TRMU: variants seen among roughly 807,000 people sequenced by gnomAD.
TRMU encodes the protein tRNA mitochondrial 2-thiouridylase, also known as mitochondrial tRNA-specific 2-thiouridylase 1.
In TRMU, 49 loss-of-function variants were observed where a neutral mutation model predicts 46.9. The observed-to-expected ratio is 1.05, with a 90% CI of 0.83 to 1.33. TRMU has a LOEUF of 1.33. TRMU is among the 40% of genes most tolerant of loss of function. TRMU has a pLI of 0.00. For missense variants in TRMU, 572 were observed against 532.4 expected, an observed-to-expected ratio of 1.07 and a Z score of -0.73; for synonymous variants, 241 against 200.9, an observed-to-expected ratio of 1.20 and a Z score of -1.69.
intron 8 of TRMU, chr22:46,355,104 G>A (rs924112421): frequency 2.3e-6 from 1 of 430,444 alleles, no homozygotes; most frequent in African/African-American, 2.0e-5. Context: ...CCTCGAGGGG[G>A]GCCGTGCTGC....
rs766828406 is a variant in TRMU, at chr22:46,349,347, C to T, written c.479-944C>T. 5.9e-5 allele frequency among the ~76,000 whole-genome samples: 9 copies of T among 152,188 alleles called. No individual in the cohort carries two copies. The highest frequency in any genetic ancestry group is 8.8e-5 in the Non-Finnish European group (6 of 68,036). ...TGTGATGAACTGGGCCGGCTCCAGT[C>T]TCCCCTCTGTAACGTGGGGAGAATT... On this transcript the variant is annotated intron_variant, in intron 4 of 10. Coordinates refer to ENST00000645190, the MANE Select transcript of TRMU (RefSeq NM_018006.5). The surrounding 1 kb of genome is among the most constrained non-coding windows in gnomAD (Gnocchi z 4.6).
At chr22:46,355,749 C>A in intron 9 of TRMU, 161 bp downstream of exon 9, 1 of 1,314,088 alleles carries the variant, frequency 7.6e-7, no homozygotes, top group South Asian at 1.3e-5. Flanking sequence ...CTGTGCCTGC[C>A]CTGAGCGAGG....
chr22:46,341,236 C>G (rs1235234636), intron 2 of TRMU, among the ~76,000 whole-genome samples: 1 of 152,216 alleles, frequency 6.6e-6, no homozygotes, highest in East Asian at 1.9e-4. Context: ...TTTTCAGAAA[C>G]TGATTTTAAT....
chr22:46,346,078 G>A (rs539396738), intron 3 of TRMU, among the ~76,000 whole-genome samples: 29 of 152,184 alleles, frequency 1.9e-4, no homozygotes, highest in South Asian at 1.2e-3. Flanking sequence ...GCCTCCCTTC[G>A]TATTATCACA....
chr22:46,337,091 G>A (rs2077998056), intron 1 of TRMU, among the ~76,000 whole-genome samples: 1 of 152,180 alleles, frequency 6.6e-6, no homozygotes, highest in Admixed American at 6.5e-5. Flanking sequence ...TGGTGGTGTA[G>A]TTTTGACAAA....
At chr22:46,341,862 A>G (rs1373420356) in intron 2 of TRMU, among the ~76,000 whole-genome samples, 1 of 152,180 alleles carries the variant, frequency 6.6e-6, no homozygotes, top group Non-Finnish European at 1.5e-5. Context: ...TCACCTGAGG[A>G]TAGTATTTTT....
chr22:46,336,272 T>C lies in TRMU; in HGVS notation c.82+426T>C. 1 of 426,596 alleles carries C rather than the reference T, an allele frequency of 2.3e-6. No individual in the cohort carries two copies. The highest frequency in any genetic ancestry group is 3.3e-6 in the Non-Finnish European group (1 of 306,078). 26.4% of individuals were successfully genotyped at this position (426,596 alleles called of 1,614,324 possible). On this transcript the variant is annotated intron_variant, in intron 1 of 10. Coordinates refer to ENST00000645190, the MANE Select transcript of TRMU (RefSeq NM_018006.5). The surrounding 1 kb of genome is among the most constrained non-coding windows in gnomAD (Gnocchi z 4.1). ...CTGTGGCCGCCCGGTGGGAGGTCCTTGTCCTCCCCACTCAGCAGACTGGAC... is the reference window on the plus strand; with the variant it reads ...CTGTGGCCGCCCGGTGGGAGGTCCTCGTCCTCCCCACTCAGCAGACTGGAC...
Position 46,342,656 on chromosome 22 carries a change from A to C in TRMU, c.249-606A>C, listed in dbSNP as rs1239623305. 2.0e-5 allele frequency among the ~76,000 whole-genome samples: 3 copies of C among 152,212 alleles called. No homozygotes were observed. Among genetic ancestry groups the C allele is most frequent in the African/African-American group, 7.2e-5 (3 of 41,460 alleles). On this transcript the variant is annotated intron_variant, in intron 2 of 10. Coordinates refer to ENST00000645190, the MANE Select transcript of TRMU (RefSeq NM_018006.5). The surrounding 1 kb of genome is among the most constrained non-coding windows in gnomAD (Gnocchi z 4.7). Reference sequence around the variant, plus strand: ...ACATGGCAAGACCTCATCTCTATAAAAAAAGAAAAGGTTGCAGTGGGCCAG... The same window carrying C: ...ACATGGCAAGACCTCATCTCTATAACAAAAGAAAAGGTTGCAGTGGGCCAG...
Position 46,346,528 on chromosome 22 carries a change from G to A in TRMU, c.462G>A (p.Arg154=), listed in dbSNP as rs2078262908. The change falls in exon 4 of 11, where the codon CGG becomes CGA. Residue 154 remains arginine (R), a synonymous_variant. Coordinates refer to ENST00000645190, the MANE Select transcript of TRMU (RefSeq NM_018006.5). ...VKKPEGLFRN[R]FEVRNAVKLL... ...AGCCCGAAGGGCTTTTCAGAAATCG[G>A]TTTGAAGTTAGAAATGGTAAGTTCA... 5.6e-6 allele frequency: 9 copies of A among 1,611,954 alleles called. No individual in the cohort carries two copies. The highest frequency in any genetic ancestry group is 7.6e-6 in the Non-Finnish European group (9 of 1,178,612).
Position 46,350,539 on chromosome 22 carries a change from T to G in TRMU, c.651+76T>G, listed in dbSNP as rs2078388218. The G allele has an allele frequency of 6.5e-7, 1 of 1,543,576 alleles. No homozygotes were observed. The highest frequency in any genetic ancestry group is 1.4e-5 in the African/African-American group (1 of 73,600). ...GCATGGCACGGAGCAGCTGGACCTG[T>G]GGGTCCCGCACCACTTCCCCTTCTC... On this transcript the variant is annotated intron_variant, in intron 5 of 10. Transcript: ENST00000645190. This position sits in a 1 kb window ranked among gnomAD's most constrained non-coding sequence, Gnocchi z 4.6.
Position 46,351,980 on chromosome 22 carries a change from C to A in TRMU, c.652-141C>A. The A allele has an allele frequency of 1.1e-6, 1 of 896,536 alleles. No individual in the cohort carries two copies. The highest frequency in any genetic ancestry group is 1.9e-6 in the Non-Finnish European group (1 of 538,492). 55.5% of individuals were successfully genotyped at this position (896,536 alleles called of 1,614,324 possible). ...CGGCTGTGACTGGCGGCCGAGGGTG[C>A]CGGTGGGCAGCCGGGCCCCTACCCT... On this transcript the variant is annotated intron_variant, in intron 5 of 10. Transcript: ENST00000645190. The surrounding 1 kb of genome is among the most constrained non-coding windows in gnomAD (Gnocchi z 6.4).
chr22:46,355,874 T>C lies in TRMU; in HGVS notation c.1019-116T>C. Reference sequence around the variant, plus strand: ...CAGGGCCCAGGCTGGTGCCCTGCCCTTCCCCTCTAAGCAGGGGTTTTTGAC... The same window carrying C: ...CAGGGCCCAGGCTGGTGCCCTGCCCCTCCCCTCTAAGCAGGGGTTTTTGAC... On this transcript the variant is annotated intron_variant, in intron 9 of 10. Transcript: ENST00000645190. 4.9e-6 allele frequency: 6 copies of C among 1,230,664 alleles called. No individual in the cohort carries two copies. The Middle Eastern group carries it at 8.1e-4, about 165-fold the overall frequency. The allele number at this position is 1,230,664 out of a possible 1,614,324, so 76.2% of individuals were successfully genotyped here. A position where few individuals can be genotyped will look rare whatever the true frequency, so the allele number is the denominator to read the frequency against.
At chr22:46,343,214 TGAGG>T in intron 2 of TRMU, 44 bp from the exon 3 acceptor site, 2 of 1,308,242 alleles carry the variant, frequency 1.5e-6, no homozygotes, top group Middle Eastern at 1.9e-4. Flanking sequence ...TTTTTTTTTT[TGAGG>T]AATGTTTCAC....
rs1044903763 is a variant in TRMU at position 46,336,587 on chromosome 22, C to T, written c.82+741C>T. The T allele has an allele frequency of 3.3e-5, 5 of 152,286 alleles. No individual in the cohort carries two copies. The highest frequency in any genetic ancestry group is 7.3e-5 in the Non-Finnish European group (5 of 68,106). The allele number at this position is 152,286 out of a possible 1,614,324, so 9.4% of individuals were successfully genotyped here. ...TTAAGCCGTCCCCTGTAAAATTCGG[C>T]TAACACCTGCCTCACGGGGTGACTG... On this transcript the variant is annotated intron_variant, in intron 1 of 10. Coordinates refer to ENST00000645190, the MANE Select transcript of TRMU (RefSeq NM_018006.5). The surrounding 1 kb of genome is among the most constrained non-coding windows in gnomAD (Gnocchi z 4.1).
At chr22:46,355,177 C>T (rs2078559951) in intron 8 of TRMU, 1 of 575,540 alleles carries the variant, frequency 1.7e-6, no homozygotes, top group Non-Finnish European at 3.1e-6. Context: ...CATTCACTGT[C>T]ATGGGCTCGG....
rs2078637366 is a variant in TRMU, at chr22:46,357,097, G to C, written c.*91G>C. The C allele has an allele frequency of 6.4e-7, 1 of 1,562,344 alleles. No homozygotes were observed. The highest frequency in any genetic ancestry group is 1.8e-5 in the Admixed American group (1 of 56,090). The stretch of plus-strand genomic sequence containing the variant: ...CCAGGTGCCCAAGGGCCAGCTTGCT[G>C]CTGCCCAAAGCAGAGGAAGCCGGGC... On this transcript the variant is annotated 3_prime_UTR_variant, in exon 11 of 11. Coordinates refer to ENST00000645190, the MANE Select transcript of TRMU (RefSeq NM_018006.5).
In TRMU at chr22:46,335,851, G is replaced by C. The variant is rs771076163; in HGVS notation, c.82+5G>C. 3.3e-5 allele frequency: 51 copies of C among 1,541,052 alleles called. No homozygotes were observed. The highest frequency in any genetic ancestry group is 4.0e-5 in the Non-Finnish European group (46 of 1,149,462). ...CGCTGCTGCTGAGGCGGAGAGGTGAGGCGTCCGAGGCTCCCGCCCCCCGCC... is the reference window on the plus strand; with the variant it reads ...CGCTGCTGCTGAGGCGGAGAGGTGACGCGTCCGAGGCTCCCGCCCCCCGCC... On this transcript the variant is annotated splice_donor_5th_base_variant and intron_variant, in intron 1 of 10. Transcript: ENST00000645190.
At chr22:46,340,203 TG>T (rs1569063689) in intron 2 of TRMU, among the ~76,000 whole-genome samples, 1 of 152,070 alleles carries the variant, frequency 6.6e-6, no homozygotes, top group African/African-American at 2.4e-5. Context: ...GCTGGTGGTG[TG>T]GGGGGTTGTC....
At position 46,349,397 on chromosome 22, in the gene TRMU, A is replaced by C. The variant is rs1173922739; in HGVS notation, c.479-894A>C. On this transcript the variant is annotated intron_variant, in intron 4 of 10. Coordinates refer to ENST00000645190, the MANE Select transcript of TRMU (RefSeq NM_018006.5). The surrounding 1 kb of genome is among the most constrained non-coding windows in gnomAD (Gnocchi z 4.6). ...TCTCCCTCTCACGGCTAACGTGGGA[A>C]TCGGCAGATGGAAAACACTAGCTAC... Among the ~76,000 whole-genome samples, 1 of 151,520 alleles carries C rather than the reference A, an allele frequency of 6.6e-6. No individual in the cohort carries two copies. Among genetic ancestry groups the C allele is most frequent in the Admixed American group, 6.5e-5 (1 of 15,278 alleles).
Sources: gnomAD v4.1 joint callset for allele counts (sites outside exome capture counted in the v4.1 genomes callset) on GRCh38, gnomAD v4.1.1 for gene constraint, Gnocchi (gnomAD v3.1) non-coding constraint, MANE v1.5 for transcripts, NCBI Gene and HGNC (gene_info 2026-07-23, HGNC 2026-07-21) for gene names.